BACH1: variants seen among roughly 807,000 people sequenced by gnomAD.
BACH1 encodes the protein BTB domain and CNC homolog 1, also known as transcription regulator protein BACH1.
Under a neutral mutation model 52.9 loss-of-function variants are expected in BACH1, and 35 were observed. That is an observed-to-expected ratio of 0.66 (90% CI 0.51 to 0.88). The LOEUF (loss-of-function observed/expected upper bound fraction) is 0.88. BACH1 is among the 40% of genes least tolerant of loss of function. The pLI is 0.00. For synonymous variants in BACH1, 321 were observed against 319.6 expected (o/e 1.00, Z -0.05); for missense variants, 808 against 872.6 (o/e 0.93, Z 0.93).
At chr21:29,348,238 T>TCCTAAG (rs1555887935), downstream of BACH1, among the ~76,000 whole-genome samples, 1 of 152,170 alleles carries the variant, frequency 6.6e-6, no homozygotes, top group Admixed American at 6.5e-5. Context: ...GAGTGGTTGT[T>TCCTAAG]CCTACCGTGC....
At chr21:29,358,676 G>T (rs753310251) in intron 2 of BACH1, among the ~76,000 whole-genome samples, 1 of 151,748 alleles carries the variant, frequency 6.6e-6, no homozygotes, top group Non-Finnish European at 1.5e-5. Context: ...GGAGGCAGAG[G>T]TTGCAGTAAG....
At chr21:29,301,635 C>T (rs2088604957) in intron 1 of BACH1, among the ~76,000 whole-genome samples, 2 of 152,062 alleles carry the variant, frequency 1.3e-5, no homozygotes, top group Non-Finnish European at 1.5e-5. Flanking sequence ...ACAAGCCCAG[C>T]GGTTGGTTTA....
At chr21:29,314,923 G>T (rs939885597) in intron 1 of BACH1, among the ~76,000 whole-genome samples, 4 of 152,138 alleles carry the variant, frequency 2.6e-5, no homozygotes, top group Non-Finnish European at 4.4e-5. Context: ...TAACAGCTTG[G>T]TCATGGAGTT....
chr21:29,304,413 C>T (rs1436719889), intron 1 of BACH1, among the ~76,000 whole-genome samples: 1 of 152,192 alleles, frequency 6.6e-6, no homozygotes, highest in Non-Finnish European at 1.5e-5. Flanking sequence ...GCGTGAGCCA[C>T]TGTGCCTGGC....
intron 3 of BACH1, among the ~76,000 whole-genome samples, chr21:29,328,775 T>C (rs1153294): frequency 0.53 from 80,892 of 151,996 alleles, 21,949 homozygotes; most frequent in South Asian, 0.63. Context: ...TTCTGTCTAC[T>C]TCGTATAAGT....
At chr21:29,325,937 T>G in intron 2 of BACH1, 122 bp from the exon 3 acceptor site, 1 of 1,031,166 alleles carries the variant, frequency 9.7e-7, no homozygotes, top group Non-Finnish European at 1.3e-6. Flanking sequence ...CAAATTAAAG[T>G]ACATATTTTA....
At chr21:29,320,617 C>T (rs559948297) in intron 1 of BACH1, among the ~76,000 whole-genome samples, 1 of 152,326 alleles carries the variant, frequency 6.6e-6, no homozygotes, top group African/African-American at 2.4e-5. Context: ...AAAAGACTTA[C>T]TACCAAGATC....
At chr21:29,336,373 A>C (rs886640627) in intron 4 of BACH1, among the ~76,000 whole-genome samples, 2 of 152,178 alleles carry the variant, frequency 1.3e-5, no homozygotes, top group African/African-American at 2.4e-5. Flanking sequence ...GGGAGGCAGG[A>C]GGTCCAGTGT....
chr21:29,330,605 G>C (rs1263682329), intron 4 of BACH1, among the ~76,000 whole-genome samples: 1 of 152,160 alleles, frequency 6.6e-6, no homozygotes, highest in Non-Finnish European at 1.5e-5. Context: ...GTACAGGCCA[G>C]CTAAAGCTAA....
downstream of BACH1, among the ~76,000 whole-genome samples, chr21:29,350,484 C>T (rs373458614): frequency 2.9e-4 from 44 of 152,188 alleles, no homozygotes; most frequent in African/African-American, 9.2e-4. Flanking sequence ...TTGACCTTAT[C>T]AGGTTGTTTC....
chr21:29,357,405 C>T (rs980534150), intron 2 of BACH1, among the ~76,000 whole-genome samples: 1 of 152,192 alleles, frequency 6.6e-6, no homozygotes, highest in African/African-American at 2.4e-5. Flanking sequence ...GATTGGTTCC[C>T]CATCCTCTGG....
intron 4 of BACH1, among the ~76,000 whole-genome samples, chr21:29,339,475 T>C (rs2089085351): frequency 6.6e-6 from 1 of 152,146 alleles, no homozygotes; most frequent in African/African-American, 2.4e-5. Flanking sequence ...TAACAGTGAG[T>C]ACTCTTTACC....
downstream of BACH1, among the ~76,000 whole-genome samples, chr21:29,346,658 A>T (rs1192563123): frequency 6.6e-6 from 1 of 152,196 alleles, no homozygotes; most frequent in Non-Finnish European, 1.5e-5. Flanking sequence ...AGGCCAGGAC[A>T]GCCCTCACAA....
chr21:29,348,144 G>GATCA (rs1241581374), downstream of BACH1, among the ~76,000 whole-genome samples: 1 of 152,162 alleles, frequency 6.6e-6, no homozygotes, highest in African/African-American at 2.4e-5. Context: ...TTCTCATTCA[G>GATCA]ATCAGCCTTG....
At chr21:29,352,722 T>G (rs1357370703) in intron 2 of BACH1, 1 of 151,854 alleles carries the variant, frequency 6.6e-6, no homozygotes, top group Non-Finnish European at 1.5e-5. Flanking sequence ...TTTTTGTTTT[T>G]TTTTTTTGAG....
intron 4 of BACH1, among the ~76,000 whole-genome samples, chr21:29,338,061 T>C (rs2089066642): frequency 6.6e-6 from 1 of 152,146 alleles, no homozygotes; most frequent in African/African-American, 2.4e-5. Flanking sequence ...TAAAGTATAA[T>C]ATAAATAAAC....
chr21:29,359,736 C>T (rs1427919695), intron 2 of BACH1, among the ~76,000 whole-genome samples: 5 of 152,096 alleles, frequency 3.3e-5, no homozygotes, highest in African/African-American at 9.7e-5. Flanking sequence ...CTACATACCT[C>T]CCTCACAATT....
intron 4 of BACH1, among the ~76,000 whole-genome samples, chr21:29,338,373 G>C (rs2089070300): frequency 6.6e-6 from 1 of 151,910 alleles, no homozygotes; most frequent in Non-Finnish European, 1.5e-5. Context: ...ATATTACTGG[G>C]ATTTACTCTA....
At chr21:29,318,529 G>A (rs1283429487) in intron 1 of BACH1, among the ~76,000 whole-genome samples, 1 of 152,222 alleles carries the variant, frequency 6.6e-6, no homozygotes, top group African/African-American at 2.4e-5. Context: ...AGGACTTGGG[G>A]TTGGCATCTC....
Sources: allele counts gnomAD v4.1 joint callset (sites outside exome capture counted in the v4.1 genomes callset), GRCh38; gene constraint gnomAD v4.1.1; transcripts MANE v1.5; gene names NCBI Gene and HGNC (gene_info 2026-07-23, HGNC 2026-07-21).